KIF15: variants seen among roughly 807,000 people sequenced by gnomAD.
The protein encoded by KIF15 is kinesin-like protein KIF15.
In KIF15, 140 loss-of-function variants were observed where a neutral mutation model predicts 190.6. The ratio of observed to expected loss-of-function variants is 0.73; its 90% confidence interval spans 0.64 to 0.84. The LOEUF is 0.84. Ranked by LOEUF, KIF15 falls within the 40% of genes least tolerant of loss-of-function variation. The pLI is 0.00. For missense variants in KIF15, 1,372 were observed against 1,584.4 expected, an observed-to-expected ratio of 0.87 and a Z score of 2.28; for synonymous variants, 528 against 551.3, an observed-to-expected ratio of 0.96 and a Z score of 0.59.
At chr3:44,816,424 T>A (rs980287190) in intron 20 of KIF15, among the ~76,000 whole-genome samples, 1 of 148,354 alleles carries the variant, frequency 6.7e-6, no homozygotes, top group Non-Finnish European at 1.5e-5. Flanking sequence ...CCCAGTGTGA[T>A]GTTCCCCGCC....
In KIF15 at chr3:44,778,115, G is replaced by A; in HGVS notation, c.247G>A (p.Glu83Lys). Residue 83 changes from glutamate to lysine, a missense_variant and splice_region_variant, in exon 4 of 35, where the codon GAA becomes AAA. Coordinates refer to ENST00000326047, the MANE Select transcript of KIF15 (RefSeq NM_020242.3). Reference sequence around the variant, plus strand: ...TTAACATGTTTGGTTACATTTGTAGGAATCTGTATTCGCAACTGTGGCTAA... The same window carrying A: ...TTAACATGTTTGGTTACATTTGTAGAAATCTGTATTCGCAACTGTGGCTAA... ...DHVADVDTTQ[E>K]SVFATVAKSI... The A allele has an allele frequency of 1.9e-6, 3 of 1,611,876 alleles. No homozygotes were observed. Among genetic ancestry groups the A allele is most frequent in the Non-Finnish European group, 2.5e-6 (3 of 1,177,932 alleles).
intron 3 of KIF15, among the ~76,000 whole-genome samples, chr3:44,776,252 T>G (rs116526592): frequency 6.6e-6 from 1 of 150,918 alleles, no homozygotes; most frequent in East Asian, 1.9e-4. Context: ...TTTTTTTTTT[T>G]CCCCCCACTA....
At chr3:44,834,337 CTG>C (rs1698206929) in intron 26 of KIF15, among the ~76,000 whole-genome samples, 2 of 152,230 alleles carry the variant, frequency 1.3e-5, no homozygotes, top group South Asian at 4.1e-4. Context: ...ATCATAAAAA[CTG>C]AGAGAAAGTG....
intron 29 of KIF15, among the ~76,000 whole-genome samples, chr3:44,841,919 G>A (rs916336404): frequency 5.9e-5 from 9 of 152,118 alleles, no homozygotes; most frequent in African/African-American, 1.9e-4. Context: ...GCCCCATTTG[G>A]TTTTTACACA....
intron 17 of KIF15, 83 bp downstream of exon 17, chr3:44,811,126 A>G: frequency 9.3e-7 from 1 of 1,080,680 alleles, no homozygotes; most frequent in Non-Finnish European, 1.3e-6. Context: ...CCTATAAGTT[A>G]CAGTGTTCAA....
At chr3:44,811,455 G>A (rs1441575207) in intron 17 of KIF15, among the ~76,000 whole-genome samples, 1 of 152,206 alleles carries the variant, frequency 6.6e-6, no homozygotes, top group African/African-American at 2.4e-5. Flanking sequence ...AGACTAGCCT[G>A]ACCAACATGG....
In KIF15 at chr3:44,821,808, C is replaced by T. The variant is rs534276123; in HGVS notation, c.2550-4231C>T. On this transcript the variant is annotated intron_variant, in intron 20 of 34. Coordinates refer to ENST00000326047, the MANE Select transcript of KIF15 (RefSeq NM_020242.3). Reference sequence around the variant, plus strand: ...TGGAGGTTGTAGCGAGCTGAGATCACGCCACTGCACTCCAGCCTGGGCAAC... The same window carrying T: ...TGGAGGTTGTAGCGAGCTGAGATCATGCCACTGCACTCCAGCCTGGGCAAC... 5.3e-5 allele frequency among the ~76,000 whole-genome samples: 8 copies of T among 151,238 alleles called. No individual in the cohort carries two copies. The East Asian group carries it at 9.8e-4, about 19-fold the overall frequency.
Position 44,805,174 on chromosome 3 carries a change from G to A in KIF15, c.1829+6G>A, listed in dbSNP as rs781224487. The A allele has an allele frequency of 4.0e-5, 64 of 1,607,894 alleles. No individual in the cohort carries two copies. Among genetic ancestry groups the A allele is most frequent in the Non-Finnish European group, 5.1e-5 (60 of 1,177,830 alleles). On this transcript the variant is annotated splice_donor_region_variant and intron_variant, in intron 15 of 34. Coordinates refer to ENST00000326047, the MANE Select transcript of KIF15 (RefSeq NM_020242.3). ...GAATTCAAAGAACTTACTAGGTAAA[G>A]TCTAAATACACATGCATGCACACTT...
At chr3:44,785,015 C>T (rs1706342607) in intron 6 of KIF15, 73 bp downstream of exon 6, 4 of 731,470 alleles carry the variant, frequency 5.5e-6, no homozygotes, top group Non-Finnish European at 9.3e-6. Context: ...ATAATTAGCT[C>T]ATGATACATG....
At chr3:44,843,023 A>G in intron 29 of KIF15, 102 bp from the exon 30 acceptor site, 1 of 762,904 alleles carries the variant, frequency 1.3e-6, no homozygotes, top group Non-Finnish European at 2.1e-6. Context: ...GTCTCTGCAT[A>G]GGAACTTAAA....
chr3:44,851,787 C>T lies in KIF15; in HGVS notation c.3807C>T (p.Asp1269=), dbSNP rs1249916830. 5 of 1,610,650 alleles carry T rather than the reference C, an allele frequency of 3.1e-6. No individual in the cohort carries two copies. The highest frequency in any genetic ancestry group is 4.2e-6 in the Non-Finnish European group (5 of 1,177,960). ...IVEEMLKMKA[D]LEEVQSALYN... ...ATAAAGTGATAACCTATTCCTACAG[C>T]CTAGAAGAAGTCCAAAGTGCCCTTT... Residue 1269 remains aspartate, a splice_region_variant and synonymous_variant, in exon 33 of 35, where the codon GAC becomes GAT. Transcript: ENST00000326047.
At chr3:44,858,861 T>C (rs1319600970) in intron 6 of KIF15, among the ~76,000 whole-genome samples, 1 of 152,156 alleles carries the variant, frequency 6.6e-6, no homozygotes, top group South Asian at 2.1e-4. Context: ...GATGGACTTA[T>C]CCTCCACTGT....
intron 20 of KIF15, among the ~76,000 whole-genome samples, chr3:44,822,817 G>A (rs1459711207): frequency 6.6e-6 from 1 of 152,104 alleles, no homozygotes; most frequent in Non-Finnish European, 1.5e-5. Context: ...GCCTTGTGCA[G>A]GTGTCATGAA....
rs371235907 is a variant in KIF15, at chr3:44,840,427, G to A, written c.3391G>A (p.Val1131Met). 1.2e-6 allele frequency: 2 copies of A among 1,608,658 alleles called. No homozygotes were observed. Among genetic ancestry groups the A allele is most frequent in the African/African-American group, 2.7e-5 (2 of 74,736 alleles). ...YNFKMRQLEH[V>M]MDSAAEDPQS... ...CTTCAAAATGAGGCAACTAGAACAT[G>A]TGATGGATTCTGCTGCTGAGGATCC... is the stretch of plus-strand genomic sequence containing the variant. The change falls in exon 28 of 35, where the codon GTG (valine) becomes ATG (methionine). Residue 1131 changes from valine to methionine, a missense_variant. Val to Met is a conservative substitution (Grantham distance 21). Coordinates refer to ENST00000326047, the MANE Select transcript of KIF15 (RefSeq NM_020242.3).
intron 24 of KIF15, among the ~76,000 whole-genome samples, chr3:44,829,651 G>T (rs1575661587): frequency 3.9e-5 from 3 of 77,552 alleles, no homozygotes; most frequent in African/African-American, 9.3e-5. Context: ...TATTATATAT[G>T]TATATATTAT....
At chr3:44,787,544 T>C (rs7646253) in intron 7 of KIF15, among the ~76,000 whole-genome samples, 1 of 152,172 alleles carries the variant, frequency 6.6e-6, no homozygotes, top group Non-Finnish European at 1.5e-5. Flanking sequence ...CGGCGAGAGA[T>C]AGGTTGTACA....
intron 3 of KIF15, among the ~76,000 whole-genome samples, chr3:44,776,260 C>G (rs1203727865): frequency 4.1e-5 from 6 of 147,888 alleles, no homozygotes; most frequent in African/African-American, 1.5e-4. Flanking sequence ...TTTCCCCCCA[C>G]TAAGTGATAG....
At chr3:44,828,595 T>C (rs775724665) in intron 24 of KIF15, among the ~76,000 whole-genome samples, 3 of 152,226 alleles carry the variant, frequency 2.0e-5, no homozygotes, top group Non-Finnish European at 4.4e-5. Context: ...TCTTGTTGAC[T>C]CTAAGTCCCA....
Position 44,838,399 on chromosome 3 carries a change from T to C in KIF15, c.3296T>C (p.Leu1099Pro), listed in dbSNP as rs1264821997. Residue 1099 changes from leucine (L) to proline (P), a missense_variant, in exon 27 of 35, where the codon CTG becomes CCG. Physicochemically the swap from Leu to Pro is moderately conservative, Grantham distance 98 (BLOSUM62 -3). Transcript: ENST00000326047. ...AQEELTKKEA[L>P]IQELQHKLNQ... ...GAAGAACTGACCAAGAAGGAAGCCC[T>C]GATTCAGGAACTTCAGCACAAGGTG... 6.2e-7 allele frequency: 1 copy of C among 1,613,050 alleles called. No homozygotes were observed. Among genetic ancestry groups the C allele is most frequent in the Non-Finnish European group, 8.5e-7 (1 of 1,179,686 alleles).
Sources: allele counts gnomAD v4.1 joint callset (sites outside exome capture counted in the v4.1 genomes callset), GRCh38; gene constraint gnomAD v4.1.1; transcripts MANE v1.5; gene names NCBI Gene and HGNC (gene_info 2026-07-23, HGNC 2026-07-21).